The following PRKAR1B variants were observed in gnomAD, a reference collection of about 807,000 sequenced individuals.
PRKAR1B encodes the protein cAMP-dependent protein kinase type I-beta regulatory subunit.
PRKAR1B carries 22 observed loss-of-function variants against 46.5 expected under a neutral mutation model. The observed-to-expected ratio is 0.47, with a 90% CI of 0.34 to 0.68. The LOEUF (loss-of-function observed/expected upper bound fraction) is 0.68. Ranked by LOEUF, PRKAR1B falls within the 30% of genes least tolerant of loss-of-function variation. The probability of loss-of-function intolerance (pLI) is 0.01; values close to 1 mark genes in which losing one functional copy is unlikely to be tolerated. For missense variants in PRKAR1B, 445 were observed against 535.6 expected (o/e 0.83, Z 1.67); for synonymous variants, 259 against 217.7 (o/e 1.19, Z -1.67).
chr7:579,250 T>C lies in PRKAR1B; in HGVS notation c.891+6A>G, dbSNP rs372545461. 2 of 1,613,956 alleles carry C rather than the reference T, an allele frequency of 1.2e-6. No individual in the cohort carries two copies. The highest frequency in any genetic ancestry group is 2.7e-5 in the African/African-American group (2 of 74,936). On this transcript the variant is annotated splice_donor_region_variant and intron_variant, in intron 9 of 10. Coordinates refer to ENST00000537384, the MANE Select transcript of PRKAR1B (RefSeq NM_001164760.2). ...CCAGAGCGCCCACGTGGGAAGCACG[T>C]CTCACCTCCGTGATGATGTAAAAGT...
intron 6 of PRKAR1B, among the ~76,000 whole-genome samples, chr7:600,875 C>A (rs1011742948): frequency 6.6e-6 from 1 of 152,212 alleles, no homozygotes; most frequent in Non-Finnish European, 1.5e-5. Context: ...GAATAAAATA[C>A]ATTGGAAGAT....
chr7:628,649 C>A (rs976977932), intron 4 of PRKAR1B, among the ~76,000 whole-genome samples: 1 of 152,200 alleles, frequency 6.6e-6, no homozygotes, highest in Non-Finnish European at 1.5e-5. Flanking sequence ...GCCGGCCAGG[C>A]GATGGCGGGA....
Position 667,822 on chromosome 7 carries a change from G to A in PRKAR1B, c.440+9407C>T, listed in dbSNP as rs1333085919. Among the ~76,000 whole-genome samples the A allele has an allele frequency of 6.6e-6, 1 of 152,180 alleles. No individual in the cohort carries two copies. The highest frequency in any genetic ancestry group is 1.5e-5 in the Non-Finnish European group (1 of 68,038). ...ATGCCTCTCACAGATCCTGTGCAAA[G>A]GCCCAGGGAAACCCTTCGATCAAGG... On this transcript the variant is annotated intron_variant, in intron 4 of 10. Coordinates refer to ENST00000537384, the MANE Select transcript of PRKAR1B (RefSeq NM_001164760.2). The surrounding 1 kb of genome is among the most constrained non-coding windows in gnomAD (Gnocchi z 4.3).
chr7:645,149 C>T (rs564078062), intron 4 of PRKAR1B, among the ~76,000 whole-genome samples: 1 of 152,248 alleles, frequency 6.6e-6, no homozygotes, highest in Non-Finnish European at 1.5e-5. Context: ...CAGCACCCAC[C>T]CAAGGTCACT....
chr7:678,637 G>A (rs1778477323), intron 3 of PRKAR1B, among the ~76,000 whole-genome samples: 3 of 152,234 alleles, frequency 2.0e-5, no homozygotes, highest in South Asian at 2.1e-4. Flanking sequence ...GTTGTGCCTG[G>A]GCCACCCAGG....
At chr7:604,428 G>A (rs1482214779) in intron 6 of PRKAR1B, among the ~76,000 whole-genome samples, 1 of 152,182 alleles carries the variant, frequency 6.6e-6, no homozygotes, top group Non-Finnish European at 1.5e-5. Context: ...GGGGAGACAG[G>A]AGCACCCCCA....
intron 2 of PRKAR1B, among the ~76,000 whole-genome samples, chr7:695,655 GTTTT>G (rs140312313): frequency 6.6e-6 from 1 of 151,666 alleles, no homozygotes; most frequent in African/African-American, 2.4e-5. Flanking sequence ...AATAGGGCTT[GTTTT>G]TTTTGTTTTT....
rs1281373797 is a variant in PRKAR1B, at chr7:727,071, G to A, written c.-23+139C>T. 16 of 1,046,846 alleles carry A rather than the reference G, an allele frequency of 1.5e-5. No homozygotes were observed. The highest frequency in any genetic ancestry group is 1.7e-5 in the Non-Finnish European group (15 of 872,448). 64.8% of individuals were successfully genotyped at this position (1,046,846 alleles called of 1,614,324 possible). A position where few individuals can be genotyped will look rare whatever the true frequency, so the allele number is the denominator to read the frequency against. Reference sequence around the variant, plus strand: ...GGCCCCGCGATGCCCTGCCGCGCCTGCTGCCCGCGCTCGCCGCGCGCTTGG... The same window carrying A: ...GGCCCCGCGATGCCCTGCCGCGCCTACTGCCCGCGCTCGCCGCGCGCTTGG... On this transcript the variant is annotated intron_variant, in intron 1 of 10. Coordinates refer to ENST00000537384, the MANE Select transcript of PRKAR1B (RefSeq NM_001164760.2).
At chr7:722,096 CTTTT>C (rs147399956) in intron 1 of PRKAR1B, among the ~76,000 whole-genome samples, 1 of 92,348 alleles carries the variant, frequency 1.1e-5, no homozygotes, top group Non-Finnish European at 2.0e-5. Flanking sequence ...AGTTTTCAGC[CTTTT>C]TTTTTTTTTT....
chr7:669,028 T>C (rs1388345277), intron 4 of PRKAR1B, among the ~76,000 whole-genome samples: 1 of 152,094 alleles, frequency 6.6e-6, no homozygotes. Flanking sequence ...TGCACACCCA[T>C]GTTCACAGCA....
intron 9 of PRKAR1B, among the ~76,000 whole-genome samples, chr7:565,998 T>C (rs1261500955): frequency 6.6e-6 from 1 of 152,198 alleles, no homozygotes; most frequent in Non-Finnish European, 1.5e-5. Context: ...CATGGAATTT[T>C]CCTCTCAGTG....
intron 7 of PRKAR1B, among the ~76,000 whole-genome samples, chr7:588,651 G>GTGATGGTGGTGATGT (rs1780761771): frequency 4.9e-5 from 1 of 20,454 alleles, no homozygotes; most frequent in Non-Finnish European, 1.0e-4. Context: ...GGTGGTGATG[G>GTGATGGTGGTGATGT]TGGTGAGGAT....
chr7:718,065 C>T (rs1780941141), intron 1 of PRKAR1B, among the ~76,000 whole-genome samples: 2 of 152,002 alleles, frequency 1.3e-5, no homozygotes, highest in African/African-American at 4.8e-5. Context: ...GGCCTCCAGT[C>T]CACAGCTAAG....
At chr7:671,603 C>T (rs560392320) in intron 4 of PRKAR1B, among the ~76,000 whole-genome samples, 27 of 152,246 alleles carry the variant, frequency 1.8e-4, no homozygotes, top group Admixed American at 3.9e-4. Flanking sequence ...GGATTATAGG[C>T]GTGTACCACC....
intron 4 of PRKAR1B, among the ~76,000 whole-genome samples, chr7:617,515 G>C (rs1782895205): frequency 6.6e-6 from 1 of 152,156 alleles, no homozygotes; most frequent in Non-Finnish European, 1.5e-5. Context: ...GTGTGCAAAT[G>C]CATGTGTTGG....
chr7:601,864 C>A (rs983285379), intron 6 of PRKAR1B, among the ~76,000 whole-genome samples: 2 of 148,852 alleles, frequency 1.3e-5, no homozygotes, highest in Admixed American at 1.3e-4. Context: ...GGCCTTAAAG[C>A]TGCCTTTGTG....
chr7:580,012 C>A (rs1021751612), intron 8 of PRKAR1B, among the ~76,000 whole-genome samples: 1 of 152,048 alleles, frequency 6.6e-6, no homozygotes, highest in Admixed American at 6.5e-5. Flanking sequence ...GCGGGAGGAT[C>A]GCTTGAGGCC....
chr7:600,127 C>T (rs536874428), intron 6 of PRKAR1B, among the ~76,000 whole-genome samples: 7 of 152,350 alleles, frequency 4.6e-5, no homozygotes, highest in South Asian at 2.1e-4. Flanking sequence ...ACAGTGGTGA[C>T]GGTTGTAAAA....
At position 550,311 on chromosome 7, in the gene PRKAR1B, T is replaced by C; in HGVS notation, c.*119A>G. The C allele has an allele frequency of 2.4e-6, 2 of 823,548 alleles. No homozygotes were observed. The allele number at this position is 823,548 out of a possible 1,614,324, so 51.0% of individuals were successfully genotyped here. A position where few individuals can be genotyped will look rare whatever the true frequency, so the allele number is the denominator to read the frequency against. On this transcript the variant is annotated 3_prime_UTR_variant, in exon 11 of 11. Coordinates refer to ENST00000537384, the MANE Select transcript of PRKAR1B (RefSeq NM_001164760.2). ...TCCGGGGAAGGGGCAGTCCTCACGC[T>C]GCCGGGACCCAGCCCCACCCGGCCC...
Sources: allele counts gnomAD v4.1 joint callset (sites outside exome capture counted in the v4.1 genomes callset), GRCh38; gene constraint gnomAD v4.1.1; non-coding constraint Gnocchi (gnomAD v3.1); transcripts MANE v1.5; gene names NCBI Gene and HGNC (gene_info 2026-07-23, HGNC 2026-07-21).